TLL2: variants seen among roughly 807,000 people sequenced by gnomAD.
TLL2 encodes the protein tolloid like 2.
A neutral mutation model predicts 123.0 loss-of-function variants in TLL2; 106 were observed. The ratio of observed to expected loss-of-function variants is 0.86; its 90% CI spans 0.74 to 1.01. The LOEUF (loss-of-function observed/expected upper bound fraction) is 1.01. Ranked by LOEUF, TLL2 falls within the 50% of genes least tolerant of loss-of-function variation. The pLI is 0.00. For synonymous variants in TLL2, 494 were observed against 516.8 expected, an observed-to-expected ratio of 0.96 and a Z score of 0.60; for missense variants, 1,332 against 1,336.7, an observed-to-expected ratio of 1.00 and a Z score of 0.06.
rs1275924778 is a variant in TLL2, at chr10:96,384,911, TTGAA to T, written c.2014-148_2014-145del. On this transcript the variant is annotated intron_variant, in intron 15 of 20. Transcript: ENST00000357947. ...CCTTGACTCTTGCTACGCCGGTTAT[TTGAA>T]TGAGCTCCAGAGGGCACAGGGGGAC... 11 of 773,696 alleles carry T rather than the reference TTGAA, an allele frequency of 1.4e-5. No individual in the cohort carries two copies. In the African/African-American group the frequency reaches 2.0e-4, roughly 14 times the overall value. The allele number at this position is 773,696 out of a possible 1,614,324, so 47.9% of individuals were successfully genotyped here.
At chr10:96,497,003 G>A (rs761155307) in intron 1 of TLL2, among the ~76,000 whole-genome samples, 1 of 152,140 alleles carries the variant, frequency 6.6e-6, no homozygotes, top group African/African-American at 2.4e-5. Flanking sequence ...AAAAATGGCC[G>A]GGTGCAGTGG....
chr10:96,384,897 G>C (rs1846219021), intron 15 of TLL2, 130 bp from the exon 16 acceptor site: 5 of 863,014 alleles, frequency 5.8e-6, no homozygotes, highest in African/African-American at 3.5e-5. Flanking sequence ...CTTGACTCTT[G>C]CTACGCCGGT....
intron 2 of TLL2, among the ~76,000 whole-genome samples, chr10:96,468,200 C>G (rs1847147435): frequency 6.6e-6 from 1 of 152,212 alleles, no homozygotes; most frequent in African/African-American, 2.4e-5. Flanking sequence ...CGTCCTCCCT[C>G]CCCAGCACGC....
intron 1 of TLL2, among the ~76,000 whole-genome samples, chr10:96,484,522 C>A (rs565038442): frequency 1.0e-3 from 151 of 150,140 alleles, no homozygotes; most frequent in African/African-American, 3.6e-3. Flanking sequence ...AATGATTCAT[C>A]TATAGAGATA....
At chr10:96,437,650 C>T (rs562103581) in intron 3 of TLL2, among the ~76,000 whole-genome samples, 2 of 152,218 alleles carry the variant, frequency 1.3e-5, no homozygotes, top group South Asian at 4.1e-4. Flanking sequence ...TAGAATCATA[C>T]AGCATATAAT....
At position 96,422,712 on chromosome 10, in the gene TLL2, A is replaced by C. The variant is rs1442390506; in HGVS notation, c.654T>G (p.Val218=). Reference sequence around the variant, plus strand: ...CCTGTGGGCCTCCTCCTCGGCGCCCAACATAGGAGCAACAGCTGGACAATT... The same window carrying C: ...CCTGTGGGCCTCCTCCTCGGCGCCCCACATAGGAGCAACAGCTGGACAATT... ...SYRTCGCCSY[V]GRRGGGPQAI... Residue 218 remains valine, a synonymous_variant, in exon 6 of 21, where the codon GTT becomes GTG. Transcript: ENST00000357947. 5.0e-6 allele frequency: 8 copies of C among 1,614,056 alleles called. No homozygotes were observed.
At chr10:96,386,820 G>C in intron 14 of TLL2, 133 bp downstream of exon 14, 1 of 1,312,994 alleles carries the variant, frequency 7.6e-7, no homozygotes, top group Non-Finnish European at 1.1e-6. Flanking sequence ...TAGGAAGTAG[G>C]TGGGTCTTCC....
At chr10:96,419,124 C>T (rs1564903385) in intron 7 of TLL2, among the ~76,000 whole-genome samples, 2 of 152,120 alleles carry the variant, frequency 1.3e-5, no homozygotes, top group Non-Finnish European at 2.9e-5. Flanking sequence ...ACTGCACTGG[C>T]GTCCTGAGAT....
At chr10:96,461,290 C>T (rs1031237753) in intron 2 of TLL2, among the ~76,000 whole-genome samples, 1 of 152,140 alleles carries the variant, frequency 6.6e-6, no homozygotes, top group African/African-American at 2.4e-5. Context: ...ATTCACATAC[C>T]TCAGGCAGAG....
At chr10:96,498,782 G>A (rs1671553973) in intron 1 of TLL2, among the ~76,000 whole-genome samples, 1 of 152,116 alleles carries the variant, frequency 6.6e-6, no homozygotes, top group South Asian at 2.1e-4. Flanking sequence ...TTTGAGCTCT[G>A]CATACCGTCT....
intron 17 of TLL2, among the ~76,000 whole-genome samples, chr10:96,378,727 G>A (rs1589405666): frequency 1.3e-5 from 2 of 152,302 alleles, no homozygotes; most frequent in Non-Finnish European, 2.9e-5. Flanking sequence ...GGATTCCAGA[G>A]CCTGCAGGCT....
rs1016711857 is a variant in TLL2 at position 96,513,878 on chromosome 10, C to T, written c.-193G>A. On this transcript the variant is annotated 5_prime_UTR_variant, in exon 1 of 21. Coordinates refer to ENST00000357947, the MANE Select transcript of TLL2 (RefSeq NM_012465.4). ...TTCGTCGAGGCAACCGGGAAGCAGCCGCTCGGAGCTACTTGCCCGGCGGCC... is the reference window on the plus strand; with the variant it reads ...TTCGTCGAGGCAACCGGGAAGCAGCTGCTCGGAGCTACTTGCCCGGCGGCC... 8.6e-6 allele frequency: 5 copies of T among 578,406 alleles called. No homozygotes were observed. The South Asian group carries it at 1.2e-4, about 14-fold the overall frequency. 35.8% of individuals were successfully genotyped at this position (578,406 alleles called of 1,614,324 possible). A position where few individuals can be genotyped will look rare whatever the true frequency, so the allele number is the denominator to read the frequency against.
At position 96,509,466 on chromosome 10, in the gene TLL2, G is replaced by A. The variant is rs534443206; in HGVS notation, c.175+4045C>T. Among the ~76,000 whole-genome samples, 20 of 152,324 alleles carry A rather than the reference G, an allele frequency of 1.3e-4. No homozygotes were observed. The East Asian group carries it at 3.7e-3, about 28-fold the overall frequency. ...GAGGCATTCTGTAAGCTCCTCAAAG[G>A]CGCTCCCAGTGGGGTCAGGGGCCCA... On this transcript the variant is annotated intron_variant, in intron 1 of 20. Coordinates refer to ENST00000357947, the MANE Select transcript of TLL2 (RefSeq NM_012465.4).
chr10:96,466,267 T>C (rs1847131154), intron 2 of TLL2, among the ~76,000 whole-genome samples: 3 of 152,148 alleles, frequency 2.0e-5, no homozygotes, highest in South Asian at 2.1e-4. Flanking sequence ...CAAACAAGGC[T>C]CCTTAAAGAG....
intron 10 of TLL2, among the ~76,000 whole-genome samples, chr10:96,401,266 C>T (rs1015402234): frequency 1.3e-5 from 2 of 152,162 alleles, no homozygotes; most frequent in African/African-American, 4.8e-5. Context: ...GAGCAAGATG[C>T]GTACTTTCAC....
chr10:96,468,981 A>G (rs889284016), intron 2 of TLL2, among the ~76,000 whole-genome samples: 2 of 152,246 alleles, frequency 1.3e-5, no homozygotes, highest in Non-Finnish European at 2.9e-5. Flanking sequence ...CAAAGAGCAG[A>G]TGTGCACGTT....
chr10:96,508,138 T>G (rs1847594478), intron 1 of TLL2, among the ~76,000 whole-genome samples: 1 of 152,156 alleles, frequency 6.6e-6, no homozygotes, highest in Non-Finnish European at 1.5e-5. Context: ...GAGCCTCATC[T>G]CTGCTTAAAA....
chr10:96,447,042 G>A (rs1333260483), intron 2 of TLL2, among the ~76,000 whole-genome samples: 1 of 152,220 alleles, frequency 6.6e-6, no homozygotes, highest in Admixed American at 6.5e-5. Context: ...AACGTGATGG[G>A]AGGAGCTGCT....
rs77659600 is a variant in TLL2, at chr10:96,463,084, T to C, written c.287-16916A>G. ...GATTTTTAGGGTTACAAATAAATGT[T>C]TGCAAGTAGGCAAATTCACGAATAT... On this transcript the variant is annotated intron_variant, in intron 2 of 20. Transcript: ENST00000357947. Among the ~76,000 whole-genome samples, 1,429 of 152,316 alleles carry C rather than the reference T, an allele frequency of 9.4e-3. 11 individuals are homozygous for C. Among genetic ancestry groups the C allele is most frequent in the Non-Finnish European group, 0.014 (985 of 68,026 alleles).
Sources: allele counts gnomAD v4.1 joint callset (sites outside exome capture counted in the v4.1 genomes callset), GRCh38; gene constraint gnomAD v4.1.1; transcripts MANE v1.5; gene names NCBI Gene and HGNC (gene_info 2026-07-23, HGNC 2026-07-21).